The following USP49 variants were observed in gnomAD, a reference collection of about 807,000 sequenced individuals.
USP49 encodes the protein ubiquitin specific peptidase 49.
In USP49, 24 loss-of-function variants were observed where a neutral mutation model predicts 58.6. That is an observed-to-expected ratio of 0.41 (90% CI 0.30 to 0.58). The LOEUF is 0.58. Among genes scored for constraint, USP49 ranks in the 20% least tolerant of loss-of-function variants. The pLI is 0.30. For missense variants in USP49, 703 were observed against 866.1 expected (o/e 0.81, Z 2.36); for synonymous variants, 408 against 365.1 (o/e 1.12, Z -1.34).
At chr6:41,887,339 TA>T (rs1774730317) in intron 2 of USP49, 1 of 152,212 alleles carries the variant, frequency 6.6e-6, no homozygotes, top group Admixed American at 6.5e-5. Context: ...TGCTGGGTTC[TA>T]AAGGCAATGA....
intron 2 of USP49, among the ~76,000 whole-genome samples, chr6:41,883,418 A>G (rs1774650035): frequency 1.3e-5 from 2 of 150,354 alleles, no homozygotes; most frequent in Admixed American, 6.6e-5. Context: ...GCACTTTGGG[A>G]GGCCGAGGCA....
At chr6:41,827,273 G>T (rs1773555563) in intron 3 of USP49, among the ~76,000 whole-genome samples, 1 of 152,138 alleles carries the variant, frequency 6.6e-6, no homozygotes, top group South Asian at 2.1e-4. Flanking sequence ...CTTCACCAAG[G>T]TAATGCCACC....
intron 3 of USP49, among the ~76,000 whole-genome samples, chr6:41,843,540 G>A (rs1041656960): frequency 6.6e-6 from 1 of 152,140 alleles, no homozygotes; most frequent in African/African-American, 2.4e-5. Flanking sequence ...CAACCACTTG[G>A]GAGGCTGAGC....
intron 3 of USP49, among the ~76,000 whole-genome samples, chr6:41,860,326 G>GA (rs1364103685): frequency 3.3e-5 from 5 of 150,804 alleles, no homozygotes; most frequent in Non-Finnish European, 5.9e-5. Flanking sequence ...GAGACAGAGA[G>GA]AAAAATAATC....
intron 3 of USP49, among the ~76,000 whole-genome samples, chr6:41,854,948 T>A (rs1422124036): frequency 2.0e-5 from 3 of 151,984 alleles, no homozygotes; most frequent in Admixed American, 2.0e-4. Flanking sequence ...AATTTTTATA[T>A]TTTTTGGTAG....
At chr6:41,884,700 A>T (rs1414272332) in intron 2 of USP49, among the ~76,000 whole-genome samples, 2 of 152,218 alleles carry the variant, frequency 1.3e-5, no homozygotes, top group Non-Finnish European at 2.9e-5. Context: ...ATAAAAACTT[A>T]TTGAACACCT....
At chr6:41,862,902 T>C (rs1411740027) in intron 3 of USP49, among the ~76,000 whole-genome samples, 1 of 151,966 alleles carries the variant, frequency 6.6e-6, no homozygotes, top group Non-Finnish European at 1.5e-5. Context: ...GCCTCCAGAG[T>C]AGCTAGGATT....
chr6:41,849,278 A>G (rs750292045), intron 3 of USP49, among the ~76,000 whole-genome samples: 8 of 152,208 alleles, frequency 5.3e-5, no homozygotes, highest in Non-Finnish European at 7.3e-5. Flanking sequence ...TATGCTCCAA[A>G]CATCAGAGCT....
chr6:41,802,298 A>AG (rs1773014782), intron 5 of USP49, among the ~76,000 whole-genome samples: 1 of 151,814 alleles, frequency 6.6e-6, no homozygotes, highest in Non-Finnish European at 1.5e-5. Context: ...TTGGGATTAC[A>AG]GGTATGAGCC....
intron 3 of USP49, among the ~76,000 whole-genome samples, chr6:41,834,995 G>C (rs1369524391): frequency 6.6e-6 from 1 of 152,166 alleles, no homozygotes; most frequent in Non-Finnish European, 1.5e-5. Context: ...AGTAGAAGTG[G>C]AGAGATGGTA....
intron 3 of USP49, among the ~76,000 whole-genome samples, chr6:41,857,513 G>A (rs1182665357): frequency 1.3e-5 from 2 of 152,166 alleles, no homozygotes. Flanking sequence ...AGGCATAGTG[G>A]TGCATGCTTG....
intron 2 of USP49, among the ~76,000 whole-genome samples, chr6:41,879,492 C>T (rs1774565475): frequency 6.6e-6 from 1 of 151,878 alleles, no homozygotes; most frequent in African/African-American, 2.4e-5. Flanking sequence ...ACCAGAAAAA[C>T]TCAAAGTGCC....
intron 3 of USP49, among the ~76,000 whole-genome samples, chr6:41,865,637 G>C (rs891915066): frequency 6.6e-6 from 1 of 150,758 alleles, no homozygotes; most frequent in Non-Finnish European, 1.5e-5. Flanking sequence ...CACCATGCTC[G>C]GCTTGTTTTT....
intron 3 of USP49, among the ~76,000 whole-genome samples, chr6:41,821,359 CA>C (rs1773449680): frequency 6.6e-6 from 1 of 152,188 alleles, no homozygotes; most frequent in African/African-American, 2.4e-5. Context: ...AATTTGTCCA[CA>C]AAATTTCCTG....
intron 3 of USP49, among the ~76,000 whole-genome samples, chr6:41,836,095 A>G (rs940256311): frequency 2.0e-5 from 3 of 152,044 alleles, no homozygotes; most frequent in Non-Finnish European, 4.4e-5. Flanking sequence ...AATAAATACA[A>G]TACAAATTGA....
chr6:41,866,748 C>A (rs988464611), intron 3 of USP49, among the ~76,000 whole-genome samples: 4 of 151,430 alleles, frequency 2.6e-5, no homozygotes, highest in Non-Finnish European at 5.9e-5. Context: ...CAGTCAACTG[C>A]ACATTATGTA....
At chr6:41,840,243 G>A (rs1323369470) in intron 3 of USP49, among the ~76,000 whole-genome samples, 1 of 151,592 alleles carries the variant, frequency 6.6e-6, no homozygotes, top group South Asian at 2.1e-4. Flanking sequence ...GCATGGTGGT[G>A]GGCGCCTGTA....
chr6:41,807,145 C>A (rs1561905042), intron 3 of USP49, 134 bp from the exon 4 acceptor site: 2 of 1,006,528 alleles, frequency 2.0e-6, no homozygotes, highest in African/African-American at 1.7e-5. Flanking sequence ...ATTTTCAACT[C>A]CAAATTGGTT....
chr6:41,814,684 C>G (rs1476780529), intron 3 of USP49, among the ~76,000 whole-genome samples: 4 of 152,148 alleles, frequency 2.6e-5, no homozygotes, highest in African/African-American at 9.7e-5. Context: ...AATTCCATTT[C>G]TTCTCGCTCT....
Sources: gnomAD v4.1 joint callset for allele counts (sites outside exome capture counted in the v4.1 genomes callset) on GRCh38, gnomAD v4.1.1 for gene constraint, MANE v1.5 for transcripts, NCBI Gene and HGNC (gene_info 2026-07-23, HGNC 2026-07-21) for gene names.